The following COMP variants were observed in gnomAD, a reference collection of about 807,000 sequenced individuals.
The protein encoded by COMP is cartilage oligomeric matrix protein.
In COMP, 79 loss-of-function variants were observed where a neutral mutation model predicts 95.8. The observed-to-expected ratio is 0.82, with a 90% CI of 0.69 to 0.99. The LOEUF (loss-of-function observed/expected upper bound fraction) is 0.99, where lower values mean the gene tolerates loss of function less well. Among genes scored for constraint, COMP ranks in the 50% least tolerant of loss-of-function variants. COMP has a pLI of 0.00. For missense variants in COMP, 906 were observed against 1,076.1 expected (o/e 0.84, Z 2.21); for synonymous variants, 438 against 433.9 (o/e 1.01, Z -0.12).
At position 18,791,262 on chromosome 19, in the gene COMP, G is replaced by C. The variant is rs778579333; in HGVS notation, c.8C>G (p.Pro3Arg). Residue 3 changes from proline (P) to arginine (R), a missense_variant, in exon 1 of 19, where the codon CCC (proline) becomes CGC (arginine). Transcript: ENST00000222271. Reference protein sequence around the residue: MVPDTACVLLLTL... With the variant: MVRDTACVLLLTL... ...GAGCAGAAGAACGCAGGCGGTGTCG[G>C]GGACCATGGCGGTGGCGGGGAGCTG... 3.1e-6 allele frequency: 5 copies of C among 1,596,116 alleles called. No individual in the cohort carries two copies. In the South Asian group the frequency reaches 5.7e-5, roughly 18 times the overall value.
chr19:18,790,688 G>A, intron 2 of COMP, 75 bp from the exon 3 acceptor site: 3 of 1,612,616 alleles, frequency 1.9e-6, no homozygotes, highest in Non-Finnish European at 2.5e-6. Context: ...TCTACCCCGG[G>A]GTCCCTTTCT....
intron 3 of COMP, 118 bp downstream of exon 3, chr19:18,790,444 C>T: frequency 2.3e-6 from 3 of 1,310,956 alleles, no homozygotes; most frequent in Non-Finnish European, 3.3e-6. Context: ...TCCACCTCTC[C>T]GTCAGCCTCC....
rs920950149 is a variant in COMP at position 18,789,632 on chromosome 19, T to G, written c.390+310A>C. Among the ~76,000 whole-genome samples, 4 of 146,488 alleles carry G rather than the reference T, an allele frequency of 2.7e-5. No homozygotes were observed. Among genetic ancestry groups the G allele is most frequent in the Admixed American group, 1.4e-4 (2 of 14,756 alleles). On this transcript the variant is annotated intron_variant, in intron 4 of 18. Coordinates refer to ENST00000222271, the MANE Select transcript of COMP (RefSeq NM_000095.3). This position sits in a 1 kb window ranked among gnomAD's most constrained non-coding sequence, Gnocchi z 6.1. ...CGTTCCCTGGCTGTGGAAGGGTCGTTGGGACTGGCGATCCCCTGCGGCGAG... is the reference window on the plus strand; with the variant it reads ...CGTTCCCTGGCTGTGGAAGGGTCGTGGGGACTGGCGATCCCCTGCGGCGAG...
chr19:18,788,802 C>A lies in COMP; in HGVS notation c.603+37G>T. On this transcript the variant is annotated intron_variant, in intron 6 of 18. Transcript: ENST00000222271. The surrounding 1 kb of genome is among the most constrained non-coding windows in gnomAD (Gnocchi z 4.7). ...GCAGGCCGCCCGCCGCTCGCCCCAC[C>A]TCCCGCGATCCTTTCTTCCTCCCCA... is the stretch of plus-strand genomic sequence containing the variant. 6.2e-7 allele frequency: 1 copy of A among 1,611,384 alleles called. No homozygotes were observed. The highest frequency in any genetic ancestry group is 8.5e-7 in the Non-Finnish European group (1 of 1,179,120).
In COMP at chr19:18,787,872, TTCTTTC is replaced by T. The variant is rs1225626743; in HGVS notation, c.976-228_976-223del. On this transcript the variant is annotated intron_variant, in intron 9 of 18. Transcript: ENST00000222271. The stretch of plus-strand genomic sequence containing the variant: ...TTTTTCTTTTTCTTTTTCTCTTTCT[TTCTTTC>T]TTTCTTTCTTTCTTTCTTTCTTTCT... Among the ~76,000 whole-genome samples, 447 of 74,168 alleles carry T rather than the reference TTCTTTC, an allele frequency of 6.0e-3. 15 individuals carry two copies. Among genetic ancestry groups the T allele is most frequent in the African/African-American group, 0.023 (357 of 15,490 alleles). The allele number at this position is 74,168 out of a possible 152,430, so 48.7% of individuals were successfully genotyped here. A position where few individuals can be genotyped will look rare whatever the true frequency, so the allele number is the denominator to read the frequency against.
chr19:18,788,088 G>A lies in COMP; in HGVS notation c.975+124C>T. 3 of 801,168 alleles carry A rather than the reference G, an allele frequency of 3.7e-6. No homozygotes were observed. Among genetic ancestry groups the A allele is most frequent in the Non-Finnish European group, 2.1e-6 (1 of 478,100 alleles). The allele number at this position is 801,168 out of a possible 1,614,324, so 49.6% of individuals were successfully genotyped here. Reference sequence around the variant, plus strand: ...CCCGCTAATTTTTGTATTTTTAGTAGAGGAGGGGTTTCACCATGATGGCCA... The same window carrying A: ...CCCGCTAATTTTTGTATTTTTAGTAAAGGAGGGGTTTCACCATGATGGCCA... On this transcript the variant is annotated intron_variant, in intron 9 of 18. Coordinates refer to ENST00000222271, the MANE Select transcript of COMP (RefSeq NM_000095.3). This position sits in a 1 kb window ranked among gnomAD's most constrained non-coding sequence, Gnocchi z 4.7.
At chr19:18,787,739 C>T (rs894992233) in intron 9 of COMP, 89 bp from the exon 10 acceptor site, 3 of 1,572,038 alleles carry the variant, frequency 1.9e-6, no homozygotes, top group Non-Finnish European at 8.7e-7. Context: ...GGACGCGTCT[C>T]CTCCTCAAGG....
Position 18,789,285 on chromosome 19 carries a change from G to A in COMP, c.403C>T (p.Pro135Ser). Residue 135 changes from proline (P) to serine (S), a missense_variant, in exon 5 of 19, where the codon CCC (proline) becomes TCC (serine). By Grantham distance (74) the Pro-to-Ser change is moderately conservative. Coordinates refer to ENST00000222271, the MANE Select transcript of COMP (RefSeq NM_000095.3). The surrounding 1 kb of genome is among the most constrained non-coding windows in gnomAD (Gnocchi z 6.1). ...CTDVNECNAH[P>S]CFPRVRCINT... ...ATACAGCGGACTCGGGGGAAGCAGG[G>A]GTGGGCGTTGCACTGGGGGAGGAGG... 1.3e-6 allele frequency: 2 copies of A among 1,496,600 alleles called. No individual in the cohort carries two copies. The highest frequency in any genetic ancestry group is 1.8e-6 in the Non-Finnish European group (2 of 1,126,384). 92.7% of individuals were successfully genotyped at this position (1,496,600 alleles called of 1,614,324 possible).
In COMP at chr19:18,786,250, G is replaced by T; in HGVS notation, c.1296C>A (p.Ser432Arg). Residue 432 changes from serine (S) to arginine (R), a missense_variant, in exon 12 of 19, where the codon AGC (serine) becomes AGA (arginine). Transcript: ENST00000222271. ...GGTGGCCTCCTTACTGGTCTTGATC[G>T]CTGTCACAAGCATCTCCCACAAAGT... ...DHDFVGDACD[S>R]DQDQDGDGHQ... 1.2e-6 allele frequency: 2 copies of T among 1,614,066 alleles called. No individual in the cohort carries two copies. The highest frequency in any genetic ancestry group is 1.7e-6 in the Non-Finnish European group (2 of 1,180,036).
chr19:18,785,069 C>G lies in COMP; in HGVS notation c.1741G>C (p.Asp581His). 1 of 1,614,104 alleles carries G rather than the reference C, an allele frequency of 6.2e-7. No homozygotes were observed. The highest frequency in any genetic ancestry group is 8.5e-7 in the Non-Finnish European group (1 of 1,180,002). The change falls in exon 16 of 19, where the codon GAC (aspartate) becomes CAC (histidine). Residue 581 changes from aspartate to histidine, a missense_variant. Coordinates refer to ENST00000222271, the MANE Select transcript of COMP (RefSeq NM_000095.3). Reference protein sequence around the residue: ...AVGYTAFNGVDFEGTFHVNTV... With the variant: ...AVGYTAFNGVHFEGTFHVNTV... ...TTCACATGGAACGTGCCCTCGAAGT[C>G]CACGCCATTGAAGGCAGTGTAACCT...
rs558860268 is a variant in COMP at position 18,784,416 on chromosome 19, C to A, written c.1915-53G>T. The A allele has an allele frequency of 1.9e-5, 31 of 1,603,010 alleles. No individual in the cohort carries two copies. In the Admixed American group the frequency reaches 4.0e-4, roughly 21 times the overall value. ...AGACCTCGTGGGCCACCGGAGCCCC[C>A]CTAGACACCTTCCTGGAGAGACAGT... On this transcript the variant is annotated intron_variant, in intron 16 of 18. Coordinates refer to ENST00000222271, the MANE Select transcript of COMP (RefSeq NM_000095.3). This position sits in a 1 kb window ranked among gnomAD's most constrained non-coding sequence, Gnocchi z 4.9.
At position 18,790,906 on chromosome 19, in the gene COMP, C is replaced by T; in HGVS notation, c.109G>A (p.Glu37Lys). The T allele has an allele frequency of 6.4e-7, 1 of 1,570,538 alleles. No individual in the cohort carries two copies. Among genetic ancestry groups the T allele is most frequent in the South Asian group, 1.2e-5 (1 of 86,174 alleles). ...AGCGCCGCGTTGGTTTCCTGCAGTTCCCGAAGCATCTGCGGGCCCAGGTCT... is the reference window on the plus strand; with the variant it reads ...AGCGCCGCGTTGGTTTCCTGCAGTTTCCGAAGCATCTGCGGGCCCAGGTCT... ...GSDLGPQMLR[E>K]LQETNAALQD... The change falls in exon 2 of 19, where the codon GAA (glutamate) becomes AAA (lysine). Residue 37 changes from glutamate (E) to lysine (K), a missense_variant. By Grantham distance (56) the Glu-to-Lys change is moderately conservative. Transcript: ENST00000222271.
intron 2 of COMP, 112 bp downstream of exon 2, chr19:18,790,738 C>T: frequency 1.2e-6 from 2 of 1,607,138 alleles, no homozygotes; most frequent in South Asian, 1.1e-5. Context: ...CCGCCGACCC[C>T]CTTCCCTCCC....
rs763130585 is a variant in COMP, at chr19:18,785,847, G to A, written c.1494C>T (p.Asp498=). 4 of 1,611,290 alleles carry A rather than the reference G, an allele frequency of 2.5e-6. No homozygotes were observed. The East Asian group carries it at 6.7e-5, about 27-fold the overall frequency. Residue 498 remains aspartate (D), a synonymous_variant, in exon 14 of 19, where the codon GAC becomes GAT. Coordinates refer to ENST00000222271, the MANE Select transcript of COMP (RefSeq NM_000095.3). ...CGTCCTGGCACACGTCGCCCACGCC[G>A]TCCCCTGAGAGGTGGGAGACCCCTC... is the stretch of plus-strand genomic sequence containing the variant. The part of the protein sequence containing the change: ...PNPGQEDADR[D]GVGDVCQDDF...
intron 10 of COMP, 118 bp from the exon 11 acceptor site, chr19:18,786,768 T>A: frequency 6.8e-6 from 1 of 146,860 alleles, no homozygotes; most frequent in Non-Finnish European, 1.3e-5. Flanking sequence ...GGAAGCTTTT[T>A]TTTTTTTTTT....
At chr19:18,783,022 C>A (rs755087551) in intron 18 of COMP, 32 bp downstream of exon 18, 1 of 1,611,808 alleles carries the variant, frequency 6.2e-7, no homozygotes, top group Non-Finnish European at 8.5e-7. Flanking sequence ...TGTGCAGACT[C>A]CCCGCCCACG....
chr19:18,782,997 G>A, intron 18 of COMP, 36 bp from the exon 19 acceptor site: 1 of 1,612,246 alleles, frequency 6.2e-7, no homozygotes, highest in Non-Finnish European at 8.5e-7. Context: ...GGGCTGAGAA[G>A]GCCAGCAGGG....
At position 18,788,655 on chromosome 19, in the gene COMP, C is replaced by T. The variant is rs1457097517; in HGVS notation, c.699G>A (p.Ser233=). The T allele has an allele frequency of 1.3e-6, 2 of 1,545,748 alleles. No individual in the cohort carries two copies. The highest frequency in any genetic ancestry group is 1.7e-6 in the Non-Finnish European group (2 of 1,146,406). Residue 233 remains serine (S), a synonymous_variant, in exon 7 of 19, where the codon TCG becomes TCA. Coordinates refer to ENST00000222271, the MANE Select transcript of COMP (RefSeq NM_000095.3). This position sits in a 1 kb window ranked among gnomAD's most constrained non-coding sequence, Gnocchi z 4.7. ...RRAQRFCPDG[S]PSECHEHADC... The stretch of plus-strand genomic sequence containing the variant: ...CTGCATGCTCGTGGCACTCGCTGGG[C>T]GAGCCGTCGGGGCAGAAGCGCTGTG...
intron 10 of COMP, 31 bp downstream of exon 10, chr19:18,787,460 C>T (rs998843596): frequency 6.2e-7 from 1 of 1,607,426 alleles, no homozygotes. Flanking sequence ...CCCGCCGCCT[C>T]TCCTCGCCCC....
Sources: allele counts gnomAD v4.1 joint callset (sites outside exome capture counted in the v4.1 genomes callset), GRCh38; gene constraint gnomAD v4.1.1; non-coding constraint Gnocchi (gnomAD v3.1); transcripts MANE v1.5; gene names NCBI Gene and HGNC (gene_info 2026-07-23, HGNC 2026-07-21).